The following NBAS variants were observed in gnomAD, a reference collection of about 807,000 sequenced individuals.
NBAS encodes NBAS subunit of NRZ tethering complex.
NBAS carries 219 observed loss-of-function variants against 302.5 expected under a neutral mutation model. That is an observed-to-expected ratio of 0.72 (90% confidence interval 0.65 to 0.81). The LOEUF (loss-of-function observed/expected upper bound fraction) is 0.81, where lower values mean the gene tolerates loss of function less well. Among genes scored for constraint, NBAS ranks in the 30% least tolerant of loss-of-function variants. The pLI, the probability that NBAS is intolerant of heterozygous loss-of-function variation, is 0.00. For synonymous variants in NBAS, 1,118 were observed against 1,021.6 expected (o/e 1.09, Z -1.80); for missense variants, 2,932 against 2,841.6 (o/e 1.03, Z -0.72).
At chr2:15,237,861 G>A (rs568540593) in intron 45 of NBAS, among the ~76,000 whole-genome samples, 179 of 146,430 alleles carry the variant, frequency 1.2e-3, no homozygotes, top group African/African-American at 4.0e-3. Flanking sequence ...TGCAAACTCC[G>A]CCTCCCGGGT....
chr2:15,251,301 C>T (rs1419694379), intron 44 of NBAS, among the ~76,000 whole-genome samples: 2 of 152,148 alleles, frequency 1.3e-5, no homozygotes, highest in South Asian at 2.1e-4. Flanking sequence ...ACACCAGGGC[C>T]TGTCGGCGGG....
At chr2:15,038,190 G>A in the NBAS span, among the ~76,000 whole-genome samples, 571 of 139,348 alleles carry the variant, frequency 4.1e-3, 9 homozygotes, top group East Asian at 0.048. Flanking sequence ...TCAGCTCACC[G>A]CAAATCCTGC....
chr2:15,231,845 A>G (rs929527524), intron 47 of NBAS, among the ~76,000 whole-genome samples: 5 of 152,288 alleles, frequency 3.3e-5, no homozygotes, highest in East Asian at 1.9e-4. Flanking sequence ...TAGGCATTGT[A>G]AAGACTTTTA....
At chr2:15,239,260 TAATGTTTACATTA>T (rs1407736479) in intron 44 of NBAS, among the ~76,000 whole-genome samples, 2 of 152,028 alleles carry the variant, frequency 1.3e-5, no homozygotes, top group African/African-American at 4.8e-5. Flanking sequence ...ACTCTCTAGA[TAATGTTTACATTA>T]AACTTCAAAC....
chr2:15,551,518 A>G lies in NBAS; in HGVS notation c.354T>C (p.Phe118=). 6.2e-7 allele frequency: 1 copy of G among 1,609,560 alleles called. No homozygotes were observed. Among genetic ancestry groups the G allele is most frequent in the Non-Finnish European group, 8.5e-7 (1 of 1,177,220 alleles). ...CTTGACATTTCCCAATAATGGATGTAAAATCATCTTTTGCAGACCTGTAAA... is the reference window on the plus strand; with the variant it reads ...CTTGACATTTCCCAATAATGGATGTGAAATCATCTTTTGCAGACCTGTAAA... ...CVEIRSAKDD[F]TSIIGKCQVP... Residue 118 remains phenylalanine, a synonymous_variant, in exon 6 of 52, where the codon TTT becomes TTC. Coordinates refer to ENST00000281513, the MANE Select transcript of NBAS (RefSeq NM_015909.4).
chr2:15,505,424 T>C (rs1411093167), intron 10 of NBAS, among the ~76,000 whole-genome samples: 1 of 152,046 alleles, frequency 6.6e-6, no homozygotes, highest in Non-Finnish European at 1.5e-5. Flanking sequence ...ACAGAGCTTC[T>C]GAGGGAGAAA....
the NBAS span, among the ~76,000 whole-genome samples, chr2:14,848,454 C>T: frequency 1.4e-5 from 2 of 143,192 alleles, 1 homozygote; most frequent in African/African-American, 5.8e-5. Context: ...TGATTGCTAG[C>T]ACAGCAGTCT....
chr2:15,534,610 G>T lies in NBAS; in HGVS notation c.679C>A (p.His227Asn). The T allele has an allele frequency of 6.2e-7, 1 of 1,613,776 alleles. No individual in the cohort carries two copies. Among genetic ancestry groups the T allele is most frequent in the South Asian group, 1.1e-5 (1 of 91,056 alleles). The change falls in exon 9 of 52, where the codon CAC (histidine) becomes AAC (asparagine). Residue 227 changes from histidine to asparagine, a missense_variant. By Grantham distance (68) the His-to-Asn change is moderately conservative. Coordinates refer to ENST00000281513, the MANE Select transcript of NBAS (RefSeq NM_015909.4). ...VGTNQSYQES[H>N]CFSFSSHYPH... ...TAATGACTACTGAAGCTGAAACAGTGACTTTCTTGGTAGCTCTGATTTGTT... is the reference window on the plus strand; with the variant it reads ...TAATGACTACTGAAGCTGAAACAGTTACTTTCTTGGTAGCTCTGATTTGTT...
chr2:15,030,845 C>T, the NBAS span, among the ~76,000 whole-genome samples: 3 of 152,160 alleles, frequency 2.0e-5, no homozygotes, highest in Non-Finnish European at 4.4e-5. Context: ...ACCCCCTCTC[C>T]TCCCAGTTAT....
chr2:15,328,068 T>G lies in NBAS; in HGVS notation c.4461+131A>C, dbSNP rs549009782. 21 of 1,183,326 alleles carry G rather than the reference T, an allele frequency of 1.8e-5. No individual in the cohort carries two copies. In the East Asian group the frequency reaches 4.7e-4, roughly 26 times the overall value. 73.3% of individuals were successfully genotyped at this position (1,183,326 alleles called of 1,614,324 possible). ...GGTCATAATATATACCAAAAAAATGTAAAAACCAATGAATAACATGAGTAA... is the reference window on the plus strand; with the variant it reads ...GGTCATAATATATACCAAAAAAATGGAAAAACCAATGAATAACATGAGTAA... On this transcript the variant is annotated intron_variant, in intron 37 of 51. Transcript: ENST00000281513.
chr2:14,802,892 A>G, the NBAS span, among the ~76,000 whole-genome samples: 1 of 66,520 alleles, frequency 1.5e-5, no homozygotes. Context: ...ACTGTGGTGG[A>G]GTGGGGGGAG....
intron 42 of NBAS, among the ~76,000 whole-genome samples, chr2:15,280,474 T>C (rs970196572): frequency 7.9e-5 from 12 of 152,124 alleles, no homozygotes; most frequent in African/African-American, 2.9e-4. Flanking sequence ...AGCACTCTTG[T>C]TGCTATTAGC....
intron 47 of NBAS, among the ~76,000 whole-genome samples, chr2:15,225,336 A>T (rs1667109086): frequency 6.6e-6 from 1 of 152,152 alleles, no homozygotes; most frequent in Non-Finnish European, 1.5e-5. Flanking sequence ...AACAGAGTGG[A>T]TCCACCATCC....
intron 7 of NBAS, among the ~76,000 whole-genome samples, chr2:15,537,090 C>T (rs768490191): frequency 1.3e-5 from 2 of 152,168 alleles, no homozygotes; most frequent in South Asian, 4.1e-4. Context: ...TTGGGAAGCA[C>T]ACAAAATAAA....
chr2:15,545,099 C>T (rs1664040096), intron 6 of NBAS, among the ~76,000 whole-genome samples: 1 of 151,942 alleles, frequency 6.6e-6, no homozygotes, highest in Non-Finnish European at 1.5e-5. Context: ...AGAATATATG[C>T]TAGGCCATAA....
chr2:15,424,226 G>T, intron 23 of NBAS, 89 bp downstream of exon 23: 1 of 1,433,888 alleles, frequency 7.0e-7, no homozygotes, highest in Non-Finnish European at 9.8e-7. Flanking sequence ...TTCCTGCACT[G>T]CTGTCAGCCC....
chr2:15,507,280 G>A (rs1661904537), intron 10 of NBAS, among the ~76,000 whole-genome samples: 1 of 151,910 alleles, frequency 6.6e-6, no homozygotes, highest in African/African-American at 2.4e-5. Context: ...CTGCTGGCAG[G>A]GTGTGGGATC....
intron 14 of NBAS, 57 bp from the exon 15 acceptor site, chr2:15,474,381 G>A (rs970053425): frequency 6.9e-7 from 1 of 1,455,990 alleles, no homozygotes; most frequent in Non-Finnish European, 9.3e-7. Flanking sequence ...TAACTTTTTA[G>A]AATTAATGAA....
intron 9 of NBAS, among the ~76,000 whole-genome samples, chr2:15,516,722 C>CAAAA (rs67488599): frequency 7.3e-6 from 1 of 136,058 alleles, no homozygotes. Context: ...GACTCCATTT[C>CAAAA]AAAAAAAAAA....
Sources: gnomAD v4.1 joint callset for allele counts (sites outside exome capture counted in the v4.1 genomes callset) on GRCh38, gnomAD v4.1.1 for gene constraint, MANE v1.5 for transcripts, NCBI Gene and HGNC (gene_info 2026-07-23, HGNC 2026-07-21) for gene names.